The following PPFIBP1 variants were observed in gnomAD, a reference collection of about 807,000 sequenced individuals.
PPFIBP1 encodes liprin-beta-1.
A neutral mutation model predicts 137.8 loss-of-function variants in PPFIBP1; 112 were observed. That is an observed-to-expected ratio of 0.81 (90% CI 0.70 to 0.95). The LOEUF (loss-of-function observed/expected upper bound fraction) is 0.95. PPFIBP1 is among the 40% of genes least tolerant of loss of function. The pLI is 0.00. For synonymous variants in PPFIBP1, 378 were observed against 417.3 expected (o/e 0.91, Z 1.15); for missense variants, 1,083 against 1,196.6 (o/e 0.91, Z 1.40).
chr12:27,683,357 G>A (rs1251572934), intron 24 of PPFIBP1, among the ~76,000 whole-genome samples: 3 of 152,290 alleles, frequency 2.0e-5, no homozygotes, highest in East Asian at 1.9e-4. Context: ...GAGTCAACAC[G>A]CCCAGCCTAA....
intron 2 of PPFIBP1, among the ~76,000 whole-genome samples, chr12:27,622,106 A>G (rs1049360503): frequency 6.6e-6 from 1 of 152,180 alleles, no homozygotes; most frequent in Non-Finnish European, 1.5e-5. Flanking sequence ...AATTGTCTTC[A>G]TCATTTTATA....
At chr12:27,524,903 TATTA>T (rs926276784) in intron 1 of PPFIBP1, among the ~76,000 whole-genome samples, 10 of 152,342 alleles carry the variant, frequency 6.6e-5, no homozygotes, top group African/African-American at 1.9e-4. Flanking sequence ...TTGGGGTGTT[TATTA>T]ATTATGAGCT....
chr12:27,621,550 T>C (rs971409691), intron 2 of PPFIBP1, among the ~76,000 whole-genome samples: 1 of 152,228 alleles, frequency 6.6e-6, no homozygotes, highest in African/African-American at 2.4e-5. Flanking sequence ...GTTTCAGGGC[T>C]CTGGTTTTCA....
At position 27,672,464 on chromosome 12, in the gene PPFIBP1, C is replaced by A; in HGVS notation, c.1300C>A (p.Gln434Lys). The A allele has an allele frequency of 6.2e-7, 1 of 1,608,080 alleles. No individual in the cohort carries two copies. ...NIILGATVDT[Q>K]LCDKLLTSSL... Reference sequence around the variant, plus strand: ...AATCCTTGGTGCCACTGTTGATACCCAACTGTGTGATAAACTTTTGTAAGT... The same window carrying A: ...AATCCTTGGTGCCACTGTTGATACCAAACTGTGTGATAAACTTTTGTAAGT... The change falls in exon 15 of 30, where the codon CAA becomes AAA. Residue 434 changes from glutamine to lysine, a missense_variant. Coordinates refer to ENST00000228425, the MANE Select transcript of PPFIBP1 (RefSeq NM_003622.4).
intron 16 of PPFIBP1, 126 bp downstream of exon 16, chr12:27,673,953 T>A: frequency 1.1e-6 from 1 of 872,220 alleles, no homozygotes; most frequent in Non-Finnish European, 1.8e-6. Flanking sequence ...AGTGGAAAAT[T>A]ATTAGATGTT....
chr12:27,670,802 A>ATAATAATAATAATAG, intron 13 of PPFIBP1, among the ~76,000 whole-genome samples: 1 of 148,556 alleles, frequency 6.7e-6, no homozygotes, highest in East Asian at 1.9e-4. Flanking sequence ...AAAAATAATA[A>ATAATAATAATAATAG]TAATAATAAT....
chr12:27,678,106 C>G (rs2060637645), intron 19 of PPFIBP1: 1 of 152,120 alleles, frequency 6.6e-6, no homozygotes, highest in Non-Finnish European at 1.5e-5. Context: ...GTAGAAAAAT[C>G]AACTTTCTGC....
rs780576557 is a variant in PPFIBP1 at position 27,671,438 on chromosome 12, C to A, written c.1154C>A (p.Thr385Asn). Residue 385 changes from threonine (T) to asparagine (N), a missense_variant, in exon 14 of 30, where the codon ACT becomes AAT. Transcript: ENST00000228425. ...TTTGTAATTACATTACAGTTCCATACTACCATCTTGCAAGTTTCCATCCCT... is the reference window on the plus strand; with the variant it reads ...TTTGTAATTACATTACAGTTCCATAATACCATCTTGCAAGTTTCCATCCCT... ...FNTSVPEEFHTTILQVSIPSL... is the reference protein window; with the variant it reads ...FNTSVPEEFHNTILQVSIPSL... The A allele has an allele frequency of 1.9e-6, 3 of 1,574,018 alleles. No individual in the cohort carries two copies. The Admixed American group carries it at 5.6e-5, about 30-fold the overall frequency.
intron 4 of PPFIBP1, among the ~76,000 whole-genome samples, chr12:27,640,660 G>T (rs1366991042): frequency 6.6e-6 from 1 of 151,698 alleles, no homozygotes; most frequent in Non-Finnish European, 1.5e-5. Flanking sequence ...ACAGGGGAGC[G>T]GAGTACTGCC....
At position 27,646,049 on chromosome 12, in the gene PPFIBP1, C is replaced by T. The variant is rs370279265; in HGVS notation, c.271-13C>T. The T allele has an allele frequency of 5.7e-6, 9 of 1,570,482 alleles. No homozygotes were observed. Among genetic ancestry groups the T allele is most frequent in the East Asian group, 2.2e-5 (1 of 44,576 alleles). ...GAGAAGATCAGCCTTACCCATATTA[C>T]TTCCTTTTTCAGACAAATGGACACC... On this transcript the variant is annotated splice_polypyrimidine_tract_variant and intron_variant, in intron 4 of 29. Coordinates refer to ENST00000228425, the MANE Select transcript of PPFIBP1 (RefSeq NM_003622.4).
chr12:27,623,778 G>A (rs186808022), intron 2 of PPFIBP1, among the ~76,000 whole-genome samples: 47 of 152,232 alleles, frequency 3.1e-4, no homozygotes, highest in Non-Finnish European at 5.6e-4. Context: ...GCAGCTAAGA[G>A]GAAGGTGATA....
At chr12:27,593,261 C>T (rs2052755215) in intron 2 of PPFIBP1, 1 of 250,550 alleles carries the variant, frequency 4.0e-6, no homozygotes, top group Non-Finnish European at 7.9e-6. Context: ...TAAAACTCCA[C>T]CCTGACTCCT....
intron 29 of PPFIBP1, 23 bp downstream of exon 29, chr12:27,692,679 A>C: frequency 6.2e-7 from 1 of 1,614,082 alleles, no homozygotes; most frequent in Middle Eastern, 1.6e-4. Context: ...AATGAATTGA[A>C]AATGTTATTC....
chr12:27,647,054 T>G (rs1393912132), intron 5 of PPFIBP1, among the ~76,000 whole-genome samples: 2 of 152,286 alleles, frequency 1.3e-5, no homozygotes, highest in East Asian at 3.9e-4. Flanking sequence ...GAGACGGGAG[T>G]GCAGTGGCAC....
chr12:27,542,654 G>A (rs536311668), intron 1 of PPFIBP1, among the ~76,000 whole-genome samples: 1 of 152,276 alleles, frequency 6.6e-6, no homozygotes, highest in African/African-American at 2.4e-5. Context: ...AAATTCTAGT[G>A]AATATCACTA....
chr12:27,573,428 G>C (rs1021048839), intron 1 of PPFIBP1, among the ~76,000 whole-genome samples: 5 of 152,100 alleles, frequency 3.3e-5, no homozygotes, highest in African/African-American at 1.2e-4. Context: ...TGCTAGTATA[G>C]GTTTTGATGT....
chr12:27,605,124 A>G (rs1424912389), intron 2 of PPFIBP1, among the ~76,000 whole-genome samples: 1 of 152,200 alleles, frequency 6.6e-6, no homozygotes, highest in Non-Finnish European at 1.5e-5. Context: ...GATTACCCAG[A>G]AAGCATTTAT....
At chr12:27,564,401 A>G (rs1325452758) in intron 1 of PPFIBP1, among the ~76,000 whole-genome samples, 1 of 152,236 alleles carries the variant, frequency 6.6e-6, no homozygotes, top group Non-Finnish European at 1.5e-5. Context: ...AGCTCCTTTC[A>G]CAAAAATAAA....
intron 2 of PPFIBP1, among the ~76,000 whole-genome samples, chr12:27,586,997 G>A (rs1055643315): frequency 6.6e-6 from 1 of 152,134 alleles, no homozygotes; most frequent in African/African-American, 2.4e-5. Flanking sequence ...ACCTATCTCC[G>A]CATTCGGCAA....
Sources: allele counts gnomAD v4.1 joint callset (sites outside exome capture counted in the v4.1 genomes callset), GRCh38; gene constraint gnomAD v4.1.1; transcripts MANE v1.5; gene names NCBI Gene and HGNC (gene_info 2026-07-23, HGNC 2026-07-21).